The following SPAG17 variants were observed in gnomAD, a reference collection of about 807,000 sequenced individuals.
The protein encoded by SPAG17 is sperm-associated antigen 17.
In SPAG17, 169 loss-of-function variants were observed where a neutral mutation model predicts 273.6. The observed-to-expected ratio is 0.62, with a 90% CI of 0.55 to 0.70. The LOEUF (loss-of-function observed/expected upper bound fraction) is 0.70. SPAG17 is among the 30% of genes least tolerant of loss of function. SPAG17 has a pLI of 0.00. For missense variants in SPAG17, 2,557 were observed against 2,627.8 expected (o/e 0.97, Z 0.59); for synonymous variants, 825 against 873.2 (o/e 0.94, Z 0.97).
Position 118,092,019 on chromosome 1 carries a change from T to TA in SPAG17, c.1174-18dup. ...TTGTGGAGCCTAGAAAAAGAATAAT[T>TA]AAAAAGAAACAACTGAGATACCCAG... On this transcript the variant is annotated splice_polypyrimidine_tract_variant and intron_variant, in intron 8 of 48. Transcript: ENST00000336338. The TA allele has an allele frequency of 1.2e-6, 2 of 1,610,862 alleles. No homozygotes were observed. The highest frequency in any genetic ancestry group is 1.7e-6 in the Non-Finnish European group (2 of 1,177,356).
chr1:118,020,170 G>A (rs1279031243), intron 28 of SPAG17, among the ~76,000 whole-genome samples: 1 of 152,198 alleles, frequency 6.6e-6, no homozygotes, highest in Non-Finnish European at 1.5e-5. Context: ...GTGGCTTCCA[G>A]CACTCTGGGG....
chr1:118,077,653 G>T (rs1654213402), intron 15 of SPAG17, among the ~76,000 whole-genome samples: 1 of 152,076 alleles, frequency 6.6e-6, no homozygotes, highest in African/African-American at 2.4e-5. Flanking sequence ...TAGTCCCATA[G>T]GATACACTAT....
At chr1:118,058,120 C>T (rs1651893749) in intron 18 of SPAG17, among the ~76,000 whole-genome samples, 1 of 152,062 alleles carries the variant, frequency 6.6e-6, no homozygotes, top group Admixed American at 6.5e-5. Flanking sequence ...AATTCTTTAG[C>T]ATTTAAAATA....
chr1:117,958,938 C>A lies in SPAG17; in HGVS notation c.*4861G>T, dbSNP rs200970120. On this transcript the variant is annotated intron_variant, in intron 48 of 48. Coordinates refer to ENST00000336338, the MANE Select transcript of SPAG17 (RefSeq NM_206996.4). ...TCACTTTGGACAGATCACTAGCAAT[C>A]AAATGCTTGTGCCAGTGATAGAAAA... The A allele has an allele frequency of 2.5e-6, 4 of 1,613,846 alleles. No homozygotes were observed. The African/African-American group carries it at 5.3e-5, about 22-fold the overall frequency.
rs528390194 is a variant in SPAG17 at position 118,085,401 on chromosome 1, T to C, written c.1762+521A>G. ...TGCTCTTCCCTCTTTCCAGATAATGTCTCTGCAATGTTACTGTAATTTTTA... is the reference window on the plus strand; with the variant it reads ...TGCTCTTCCCTCTTTCCAGATAATGCCTCTGCAATGTTACTGTAATTTTTA... On this transcript the variant is annotated intron_variant, in intron 13 of 48. Transcript: ENST00000336338. Among the ~76,000 whole-genome samples, 7 of 152,334 alleles carry C rather than the reference T, an allele frequency of 4.6e-5. No homozygotes were observed. In the South Asian group the frequency reaches 1.2e-3, roughly 27 times the overall value.
intron 4 of SPAG17, among the ~76,000 whole-genome samples, chr1:118,112,435 A>G (rs773175568): frequency 1.2e-4 from 18 of 152,098 alleles, no homozygotes; most frequent in Admixed American, 3.9e-4. Context: ...AACAGATAGA[A>G]ATAAAAATGC....
chr1:117,988,436 A>G (rs888371631), intron 38 of SPAG17, among the ~76,000 whole-genome samples: 4 of 152,238 alleles, frequency 2.6e-5, no homozygotes, highest in African/African-American at 9.6e-5. Flanking sequence ...ATGCAGTGAT[A>G]TCTCATTTAT....
chr1:117,990,906 A>T lies in SPAG17; in HGVS notation c.5476T>A (p.Ser1826Thr). 1.3e-6 allele frequency: 2 copies of T among 1,549,506 alleles called. No homozygotes were observed. The highest frequency in any genetic ancestry group is 1.8e-6 in the Non-Finnish European group (2 of 1,135,464). Residue 1826 changes from serine (S) to threonine (T), a missense_variant and splice_region_variant, in exon 38 of 49, where the codon TCT (serine) becomes ACT (threonine). Ser to Thr is a moderately conservative substitution (Grantham distance 58). Coordinates refer to ENST00000336338, the MANE Select transcript of SPAG17 (RefSeq NM_206996.4). ...NAADLLKLVM[S>T]FPKMEETTKS... ...GTAGTTTCCTCCATTTTAGGGAAAG[A>T]CTGAAATGAAGATAGAATTACTTAT...
intron 20 of SPAG17, among the ~76,000 whole-genome samples, chr1:118,052,276 C>T (rs1442811481): frequency 6.6e-6 from 1 of 151,262 alleles, no homozygotes; most frequent in African/African-American, 2.4e-5. Context: ...GGGGACATGA[C>T]ATTAAGTGAA....
At chr1:118,107,362 C>T (rs920700841) in intron 4 of SPAG17, among the ~76,000 whole-genome samples, 3 of 152,142 alleles carry the variant, frequency 2.0e-5, no homozygotes, top group Admixed American at 1.3e-4. Context: ...TGCTCACTTC[C>T]CTTTCTCTCT....
At chr1:118,098,444 A>G (rs531447080) in intron 6 of SPAG17, among the ~76,000 whole-genome samples, 1 of 152,132 alleles carries the variant, frequency 6.6e-6, no homozygotes, top group East Asian at 1.9e-4. Flanking sequence ...TCTATAATTA[A>G]ATAGTAGTTT....
intron 17 of SPAG17, among the ~76,000 whole-genome samples, chr1:118,068,789 G>A (rs948576379): frequency 6.6e-6 from 1 of 151,988 alleles, no homozygotes; most frequent in Admixed American, 6.6e-5. Context: ...AGATTTTTTT[G>A]TTGTTGTTAA....
In SPAG17 at chr1:117,987,999, G is replaced by A. The variant is rs573563251; in HGVS notation, c.5621+106C>T. On this transcript the variant is annotated intron_variant, in intron 39 of 48. Coordinates refer to ENST00000336338, the MANE Select transcript of SPAG17 (RefSeq NM_206996.4). ...TTAATAGTATGGGAGATGAAGGGCT[G>A]TGAATTCATTGATGTAGTCACCAAA... is the stretch of plus-strand genomic sequence containing the variant. The A allele has an allele frequency of 1.6e-5, 23 of 1,427,182 alleles. No individual in the cohort carries two copies. In the African/African-American group the frequency reaches 3.0e-4, roughly 19 times the overall value. The allele number at this position is 1,427,182 out of a possible 1,614,324, so 88.4% of individuals were successfully genotyped here. A position where few individuals can be genotyped will look rare whatever the true frequency, so the allele number is the denominator to read the frequency against.
chr1:118,110,734 T>C (rs113968161), intron 4 of SPAG17, among the ~76,000 whole-genome samples: 1 of 152,162 alleles, frequency 6.6e-6, no homozygotes, highest in Non-Finnish European at 1.5e-5. Flanking sequence ...TGGAACCAGA[T>C]GGTTGTGAGT....
intron 29 of SPAG17, 65 bp downstream of exon 29, chr1:118,015,900 T>C: frequency 7.2e-7 from 1 of 1,392,850 alleles, no homozygotes; most frequent in East Asian, 2.3e-5. Context: ...TAGGCACTCT[T>C]TTGGGTGTTG....
intron 2 of SPAG17, among the ~76,000 whole-genome samples, chr1:118,150,971 C>T (rs1659344889): frequency 6.6e-6 from 1 of 152,094 alleles, no homozygotes; most frequent in African/African-American, 2.4e-5. Context: ...TATTTTGTCA[C>T]AGAACCTAGC....
intron 48 of SPAG17, among the ~76,000 whole-genome samples, chr1:117,958,105 A>G (rs978668795): frequency 2.6e-5 from 4 of 152,204 alleles, no homozygotes; most frequent in African/African-American, 9.7e-5. Context: ...CATTCCTTCA[A>G]ATACTGTTAT....
chr1:118,079,645 CTTTAT>C (rs930510175), intron 15 of SPAG17, among the ~76,000 whole-genome samples: 6 of 151,800 alleles, frequency 4.0e-5, no homozygotes, highest in Non-Finnish European at 8.8e-5. Flanking sequence ...CCTTCTTCCA[CTTTAT>C]TTTGATTTAT....
chr1:118,035,048 C>G (rs1648922457), intron 24 of SPAG17, among the ~76,000 whole-genome samples: 1 of 151,982 alleles, frequency 6.6e-6, no homozygotes, highest in Admixed American at 6.6e-5. Flanking sequence ...AGGGGGAGAA[C>G]TGGAATGGAA....
Sources: allele counts gnomAD v4.1 joint callset (sites outside exome capture counted in the v4.1 genomes callset), GRCh38; gene constraint gnomAD v4.1.1; transcripts MANE v1.5; gene names NCBI Gene and HGNC (gene_info 2026-07-23, HGNC 2026-07-21).